Variants in TOX2 observed in about 807,000 individuals in gnomAD.
The protein encoded by TOX2 is granulosa cell HMG box 1.
A neutral mutation model predicts 47.4 loss-of-function variants in TOX2; 15 were observed. The ratio of observed to expected loss-of-function variants is 0.32; its 90% CI spans 0.21 to 0.49. The LOEUF is 0.49. Ranked by LOEUF, TOX2 falls within the 20% of genes least tolerant of loss-of-function variation. TOX2 has a pLI of 0.99. For missense variants in TOX2, 622 were observed against 673.1 expected, an observed-to-expected ratio of 0.92 and a Z score of 0.84; for synonymous variants, 290 against 296.6, an observed-to-expected ratio of 0.98 and a Z score of 0.23.
intron 3 of TOX2, chr20:44,039,354 T>C (rs2145714601): frequency 1.6e-6 from 2 of 1,258,886 alleles, no homozygotes; most frequent in Non-Finnish European, 2.1e-6. Flanking sequence ...CAGATCCTCA[T>C]GGAGCATTTT....
chr20:44,064,910 G>T, intron 6 of TOX2, 53 bp downstream of exon 6: 1 of 1,568,894 alleles, frequency 6.4e-7, no homozygotes, highest in Non-Finnish European at 8.8e-7. Flanking sequence ...GCCACTTGAG[G>T]AATGGAGCAA....
intron 1 of TOX2, among the ~76,000 whole-genome samples, chr20:43,962,149 A>G (rs2069771766): frequency 6.6e-6 from 1 of 152,250 alleles, no homozygotes; most frequent in Non-Finnish European, 1.5e-5. Context: ...TTTTGCCATA[A>G]ATCTGCAGTA....
intron 1 of TOX2, among the ~76,000 whole-genome samples, chr20:43,966,863 G>A (rs1412823260): frequency 2.0e-5 from 3 of 152,136 alleles, no homozygotes; most frequent in Admixed American, 6.5e-5. Flanking sequence ...GCTAAGTGAT[G>A]TGGAGTCTCT....
chr20:43,999,494 A>T (rs188897582), intron 2 of TOX2, among the ~76,000 whole-genome samples: 1 of 152,236 alleles, frequency 6.6e-6, no homozygotes, highest in East Asian at 1.9e-4. Flanking sequence ...AACATCTAAG[A>T]GAATAAAATA....
intron 1 of TOX2, chr20:43,955,336 C>G: frequency 1.0e-6 from 1 of 980,682 alleles, no homozygotes; most frequent in South Asian, 4.7e-5. Context: ...TGGCAGCCAT[C>G]GCAGAGCCTG....
At chr20:44,032,687 C>T (rs1260599214) in intron 3 of TOX2, among the ~76,000 whole-genome samples, 1 of 152,130 alleles carries the variant, frequency 6.6e-6, no homozygotes, top group Non-Finnish European at 1.5e-5. Flanking sequence ...GTCTGTATTG[C>T]AGAGGTGGGG....
chr20:43,976,634 G>T (rs1167125689), intron 2 of TOX2, among the ~76,000 whole-genome samples: 1 of 152,172 alleles, frequency 6.6e-6, no homozygotes, highest in Non-Finnish European at 1.5e-5. Flanking sequence ...TGATTTTGTT[G>T]AAAAATAACT....
intron 1 of TOX2, among the ~76,000 whole-genome samples, chr20:43,969,932 C>CT (rs2069933749): frequency 6.6e-6 from 1 of 152,234 alleles, no homozygotes; most frequent in Admixed American, 6.5e-5. Flanking sequence ...ACCCCCTTGC[C>CT]TGCCCCTAAC....
At position 43,914,977 on chromosome 20, in the gene TOX2, A is replaced by G; in HGVS notation, c.86A>G (p.Tyr29Cys). 2 of 1,241,424 alleles carry G rather than the reference A, an allele frequency of 1.6e-6. No homozygotes were observed. The highest frequency in any genetic ancestry group is 2.0e-6 in the Non-Finnish European group (2 of 993,272). The allele number at this position is 1,241,424 out of a possible 1,614,324, so 76.9% of individuals were successfully genotyped here. A position where few individuals can be genotyped will look rare whatever the true frequency, so the allele number is the denominator to read the frequency against. ...GCCGGCCTGGCGCACCTGGACTATTACCACGGCGGCAAGGTAGGCGGGGGC... is the reference window on the plus strand; with the variant it reads ...GCCGGCCTGGCGCACCTGGACTATTGCCACGGCGGCAAGGTAGGCGGGGGC... ...EPAGLAHLDYYHGGKFDGDSA... is the reference protein window; with the variant it reads ...EPAGLAHLDYCHGGKFDGDSA... The change falls in exon 1 of 9, where the codon TAC (tyrosine) becomes TGC (cysteine). Residue 29 changes from tyrosine to cysteine, a missense_variant. This residue lies in a region of TOX2 where 307 missense variants were observed against 327.3 expected (regional missense o/e 0.94). Coordinates refer to ENST00000341197, the MANE Select transcript of TOX2 (RefSeq NM_001098797.2). This position sits in a 1 kb window ranked among gnomAD's most constrained non-coding sequence, Gnocchi z 4.5.
At chr20:44,055,849 C>T (rs1219135805) in intron 5 of TOX2, among the ~76,000 whole-genome samples, 1 of 152,128 alleles carries the variant, frequency 6.6e-6, no homozygotes, top group Admixed American at 6.5e-5. Flanking sequence ...AAGTAGCAGG[C>T]TTGGGGCAGA....
At chr20:43,993,738 G>C (rs1359886972) in intron 2 of TOX2, among the ~76,000 whole-genome samples, 1 of 152,206 alleles carries the variant, frequency 6.6e-6, no homozygotes. Context: ...TTCTGACAGA[G>C]ACCATATGAC....
intron 1 of TOX2, among the ~76,000 whole-genome samples, chr20:43,920,008 T>C (rs539506387): frequency 1.3e-5 from 2 of 152,314 alleles, no homozygotes; most frequent in East Asian, 3.9e-4. Flanking sequence ...AGAGATTGGA[T>C]TCAGTTGGTC....
At chr20:43,984,865 G>A (rs1439871731) in intron 2 of TOX2, among the ~76,000 whole-genome samples, 2 of 152,258 alleles carry the variant, frequency 1.3e-5, no homozygotes, top group South Asian at 2.1e-4. Context: ...GGGTGGACAC[G>A]TGATTTCAAG....
chr20:43,918,169 A>G (rs1188889365), intron 1 of TOX2, among the ~76,000 whole-genome samples: 1 of 152,182 alleles, frequency 6.6e-6, no homozygotes, highest in African/African-American at 2.4e-5. Flanking sequence ...TTGGCAAGGC[A>G]TCTTACCAGG....
At chr20:44,051,259 G>T (rs748224151) in intron 3 of TOX2, 47 bp from the exon 4 acceptor site, 1 of 1,551,668 alleles carries the variant, frequency 6.4e-7, no homozygotes, top group South Asian at 1.2e-5. Context: ...TGATGGAGTG[G>T]CAGGACAGAT....
intron 2 of TOX2, among the ~76,000 whole-genome samples, chr20:43,987,361 G>C (rs909332237): frequency 6.6e-6 from 1 of 152,184 alleles, no homozygotes; most frequent in African/African-American, 2.4e-5. Context: ...AGTTACCCTA[G>C]AGGGGGGTGG....
Position 44,054,295 on chromosome 20 carries a change from G to A in TOX2, c.652-4G>A, listed in dbSNP as rs1207310051. The A allele has an allele frequency of 6.2e-7, 1 of 1,604,074 alleles. No individual in the cohort carries two copies. Among genetic ancestry groups the A allele is most frequent in the Non-Finnish European group, 8.5e-7 (1 of 1,174,886 alleles). On this transcript the variant is annotated splice_region_variant and splice_polypyrimidine_tract_variant and intron_variant, in intron 4 of 8. Transcript: ENST00000341197. Reference sequence around the variant, plus strand: ...TGGTTTTCTGACTCTTCTCACTCGGGCAGATCTCGGGAGAAAAGAGACCTT... The same window carrying A: ...TGGTTTTCTGACTCTTCTCACTCGGACAGATCTCGGGAGAAAAGAGACCTT...
intron 1 of TOX2, among the ~76,000 whole-genome samples, chr20:43,962,740 G>A (rs534814997): frequency 1.9e-4 from 29 of 152,146 alleles, no homozygotes; most frequent in African/African-American, 6.3e-4. Context: ...CAGCTCTTCC[G>A]TCTCTGGGGT....
intron 1 of TOX2, among the ~76,000 whole-genome samples, chr20:43,933,340 C>T (rs1024078528): frequency 1.3e-5 from 2 of 152,162 alleles, no homozygotes; most frequent in Non-Finnish European, 2.9e-5. Flanking sequence ...TTGGCTGATC[C>T]CCACAGAGGG....
Sources: allele counts gnomAD v4.1 joint callset (sites outside exome capture counted in the v4.1 genomes callset), GRCh38; gene constraint gnomAD v4.1.1; regional missense constraint gnomAD v4.1.1; non-coding constraint Gnocchi (gnomAD v3.1); transcripts MANE v1.5; gene names NCBI Gene and HGNC (gene_info 2026-07-23, HGNC 2026-07-21).